HERC4: variants seen among roughly 807,000 people sequenced by gnomAD.
The protein encoded by HERC4 is HECT and RLD domain containing E3 ubiquitin protein ligase 4, also known as probable E3 ubiquitin-protein ligase HERC4.
HERC4 carries 28 observed loss-of-function variants against 124.3 expected under a neutral mutation model. The ratio of observed to expected loss-of-function variants is 0.23; its 90% CI spans 0.17 to 0.31. HERC4 has a LOEUF of 0.31. Ranked by LOEUF, HERC4 falls within the 10% of genes least tolerant of loss-of-function variation. HERC4 has a pLI of 1.00. For missense variants in HERC4, 713 were observed against 1,229.3 expected (o/e 0.58, Z 6.28); for synonymous variants, 407 against 421.5 (o/e 0.97, Z 0.42).
At chr10:67,988,042 C>A (rs2036356515) in intron 15 of HERC4, 1 of 152,060 alleles carries the variant, frequency 6.6e-6, no homozygotes, top group African/African-American at 2.4e-5. Context: ...GGTATACCTA[C>A]CAACTGTCAG....
In HERC4 at chr10:68,038,308, C is replaced by T. The variant is rs540599780; in HGVS notation, c.387-139G>A. 43 of 406,720 alleles carry T rather than the reference C, an allele frequency of 1.1e-4. 1 individual carries two copies. The South Asian group carries it at 2.9e-3, about 28-fold the overall frequency. 25.2% of individuals were successfully genotyped at this position (406,720 alleles called of 1,614,324 possible). A position where few individuals can be genotyped will look rare whatever the true frequency, so the allele number is the denominator to read the frequency against. On this transcript the variant is annotated intron_variant, in intron 4 of 24. Transcript: ENST00000373700. The stretch of plus-strand genomic sequence containing the variant: ...TTTTTTCATACAAGCTCAATTTTAG[C>T]GTACCAAAAATTTATGCTAAAATCA...
chr10:68,019,773 ATGCAACT>A (rs2038497058), intron 8 of HERC4, among the ~76,000 whole-genome samples: 1 of 152,184 alleles, frequency 6.6e-6, no homozygotes, highest in South Asian at 2.1e-4. Context: ...AGCAGCCTGT[ATGCAACT>A]TGTAGAAGCC....
chr10:68,033,946 A>C lies in HERC4; in HGVS notation c.685+19T>G. On this transcript the variant is annotated intron_variant, in intron 6 of 24. Coordinates refer to ENST00000373700, the MANE Select transcript of HERC4 (RefSeq NM_015601.4). ...CTCTTTCAAAAAGTACACTTAAACT[A>C]TACATAATGAGAACCTACCATTTTC... is the stretch of plus-strand genomic sequence containing the variant. The C allele has an allele frequency of 6.3e-7, 1 of 1,597,086 alleles. No homozygotes were observed. The highest frequency in any genetic ancestry group is 8.6e-7 in the Non-Finnish European group (1 of 1,164,906).
chr10:67,974,863 A>C (rs1055328745), intron 15 of HERC4, among the ~76,000 whole-genome samples: 20 of 152,066 alleles, frequency 1.3e-4, no homozygotes, highest in African/African-American at 4.8e-5. Context: ...GGGAAGCTAA[A>C]ATTTTCACTA....
At chr10:67,994,115 A>G (rs2036714710) in intron 9 of HERC4, 1 of 152,226 alleles carries the variant, frequency 6.6e-6, no homozygotes, top group African/African-American at 2.4e-5. Context: ...TTACTATCAA[A>G]TTTTCCGTAA....
At chr10:68,011,647 C>T (rs2037961942) in intron 9 of HERC4, among the ~76,000 whole-genome samples, 1 of 152,174 alleles carries the variant, frequency 6.6e-6, no homozygotes, top group African/African-American at 2.4e-5. Flanking sequence ...ATTCAGTACA[C>T]CATGCTGTAA....
At chr10:68,067,043 T>A (rs772477391) in intron 3 of HERC4, 1 of 152,636 alleles carries the variant, frequency 6.6e-6, no homozygotes, top group African/African-American at 2.4e-5. Context: ...ATTCAACTTA[T>A]AGCTGTTCAC....
chr10:67,955,330 C>T (rs1357847173), intron 17 of HERC4, 200 bp from the exon 18 acceptor site: 2 of 496,082 alleles, frequency 4.0e-6, no homozygotes, highest in East Asian at 8.0e-5. Context: ...TGTTTTTATA[C>T]TAATGTATAA....
At chr10:68,000,828 T>C (rs1331985865) in intron 9 of HERC4, among the ~76,000 whole-genome samples, 2 of 152,004 alleles carry the variant, frequency 1.3e-5, no homozygotes, top group Admixed American at 1.3e-4. Context: ...AGGAAAGAAA[T>C]ATGTAACAGA....
Position 67,923,158 on chromosome 10 carries a change from TTCAG to T in HERC4, c.2942-23_2942-20del. On this transcript the variant is annotated intron_variant, in intron 24 of 24. Coordinates refer to ENST00000373700, the MANE Select transcript of HERC4 (RefSeq NM_015601.4). ...AAAAATACTGCCAAGAAAGAAATCA[TTCAG>T]TCAACCACTTCAAAACAAAAAGATA... is the stretch of plus-strand genomic sequence containing the variant. The T allele has an allele frequency of 1.3e-6, 2 of 1,594,982 alleles. No individual in the cohort carries two copies. Among genetic ancestry groups the T allele is most frequent in the Non-Finnish European group, 1.7e-6 (2 of 1,164,248 alleles).
chr10:68,026,246 C>G (rs914356265), intron 7 of HERC4, among the ~76,000 whole-genome samples: 4 of 152,084 alleles, frequency 2.6e-5, no homozygotes, highest in Non-Finnish European at 5.9e-5. Context: ...CAGGCATGCA[C>G]CACCACATCT....
At chr10:67,944,292 G>A (rs909408109) in intron 19 of HERC4, among the ~76,000 whole-genome samples, 1 of 152,220 alleles carries the variant, frequency 6.6e-6, no homozygotes, top group Non-Finnish European at 1.5e-5. Flanking sequence ...GAGAATAAGA[G>A]TCTCTGCCTG....
At chr10:68,006,636 C>T (rs1353367103) in intron 9 of HERC4, among the ~76,000 whole-genome samples, 6 of 152,100 alleles carry the variant, frequency 3.9e-5, no homozygotes, top group Non-Finnish European at 7.4e-5. Context: ...CCTCAGCCTC[C>T]CAAAGTGGTG....
chr10:67,992,107 G>T, intron 11 of HERC4, 92 bp downstream of exon 11: 1 of 1,217,552 alleles, frequency 8.2e-7, no homozygotes, highest in Non-Finnish European at 1.2e-6. Flanking sequence ...ATGTTGCCCA[G>T]GCTGGTCTCC....
chr10:68,031,678 C>T (rs141940941), intron 7 of HERC4, among the ~76,000 whole-genome samples: 15 of 152,152 alleles, frequency 9.9e-5, no homozygotes, highest in African/African-American at 2.2e-4. Flanking sequence ...TTGACAATAA[C>T]GAAGAATAAT....
intron 15 of HERC4, among the ~76,000 whole-genome samples, chr10:67,982,385 T>C (rs2035983039): frequency 6.6e-6 from 1 of 152,076 alleles, no homozygotes; most frequent in Non-Finnish European, 1.5e-5. Flanking sequence ...CAAAAGACAG[T>C]CTCTTCAATA....
At position 68,025,523 on chromosome 10, in the gene HERC4, T is replaced by C. The variant is rs753908427; in HGVS notation, c.908+23A>G. ...AACAACTGCAGTTTAGAGACCAAAATGCTCTTTTACATAACACCTTACCGT... is the reference window on the plus strand; with the variant it reads ...AACAACTGCAGTTTAGAGACCAAAACGCTCTTTTACATAACACCTTACCGT... On this transcript the variant is annotated intron_variant, in intron 8 of 24. Coordinates refer to ENST00000373700, the MANE Select transcript of HERC4 (RefSeq NM_015601.4). The C allele has an allele frequency of 8.1e-6, 13 of 1,599,970 alleles. No individual in the cohort carries two copies. The African/African-American group carries it at 1.5e-4, about 18-fold the overall frequency.
At chr10:68,046,718 G>A (rs1362689019) in intron 3 of HERC4, among the ~76,000 whole-genome samples, 1 of 152,222 alleles carries the variant, frequency 6.6e-6, no homozygotes, top group African/African-American at 2.4e-5. Context: ...TATAATCCCA[G>A]CACTTGCAGA....
intron 15 of HERC4, among the ~76,000 whole-genome samples, chr10:67,985,447 T>C (rs2036204585): frequency 6.6e-6 from 1 of 152,238 alleles, no homozygotes; most frequent in Non-Finnish European, 1.5e-5. Flanking sequence ...TATAACACTT[T>C]TATTTCACAT....
Sources: gnomAD v4.1 joint callset for allele counts (sites outside exome capture counted in the v4.1 genomes callset) on GRCh38, gnomAD v4.1.1 for gene constraint, MANE v1.5 for transcripts, NCBI Gene and HGNC (gene_info 2026-07-23, HGNC 2026-07-21) for gene names.